RFX7: variants seen among roughly 807,000 people sequenced by gnomAD.
The protein encoded by RFX7 is regulatory factor X7, also known as DNA-binding protein RFX7.
Under a neutral mutation model 111.8 loss-of-function variants are expected in RFX7, and 26 were observed. The ratio of observed to expected loss-of-function variants is 0.23; its 90% CI spans 0.17 to 0.32. The LOEUF is 0.32. Among genes scored for constraint, RFX7 ranks in the 10% least tolerant of loss-of-function variants. The pLI, the probability that RFX7 is intolerant of heterozygous loss-of-function variation, is 1.00. For synonymous variants in RFX7, 624 were observed against 624.4 expected (o/e 1.00, Z 0.01); for missense variants, 1,573 against 1,772.9 (o/e 0.89, Z 2.02).
chr15:56,223,630 A>G (rs2043449334), intron 2 of RFX7, among the ~76,000 whole-genome samples: 1 of 152,210 alleles, frequency 6.6e-6, no homozygotes, highest in African/African-American at 2.4e-5. Context: ...AGTTTAATAC[A>G]TACTCATCAA....
intron 2 of RFX7, among the ~76,000 whole-genome samples, chr15:56,227,873 C>A (rs149317499): frequency 1.6e-4 from 25 of 152,302 alleles, no homozygotes; most frequent in African/African-American, 5.8e-4. Flanking sequence ...GACCTCTTCA[C>A]ATTTTGTGCA....
Position 56,105,356 on chromosome 15 carries a change from G to A in RFX7, c.402-1686C>T, listed in dbSNP as rs372902292. 1.3e-5 allele frequency among the ~76,000 whole-genome samples: 2 copies of A among 152,308 alleles called. 1 individual carries two copies. ...CATCACACTAAGTTCAAGCAGGGCA[G>A]TGACCATACCTATTGGATTCGCCAG... is the stretch of plus-strand genomic sequence containing the variant. On this transcript the variant is annotated intron_variant, in intron 5 of 9. Transcript: ENST00000559447.
chr15:56,131,922 T>C (rs1367457825), intron 5 of RFX7, among the ~76,000 whole-genome samples: 1 of 151,934 alleles, frequency 6.6e-6, no homozygotes, highest in Non-Finnish European at 1.5e-5. Flanking sequence ...AACATAAAAA[T>C]AACAGAAATC....
chr15:56,154,601 C>T (rs990537020), intron 3 of RFX7, among the ~76,000 whole-genome samples: 36 of 152,264 alleles, frequency 2.4e-4, no homozygotes, highest in Middle Eastern at 3.4e-3. Context: ...AAACTGGATC[C>T]CTTCCTTACA....
chr15:56,168,117 A>T (rs2042804355), intron 3 of RFX7, among the ~76,000 whole-genome samples: 1 of 152,232 alleles, frequency 6.6e-6, no homozygotes, highest in Non-Finnish European at 1.5e-5. Flanking sequence ...CCAATAAGTA[A>T]GTTTTAAAAC....
Position 56,117,255 on chromosome 15 carries a change from A to C in RFX7, c.402-13585T>G, listed in dbSNP as rs1239460720. ...TAAGGGTCTAATATTATACGGAGAA[A>C]GGAGATTTAAACTGGGCCTTAGAGA... On this transcript the variant is annotated intron_variant, in intron 5 of 9. Coordinates refer to ENST00000559447, the MANE Select transcript of RFX7 (RefSeq NM_022841.7). Among the ~76,000 whole-genome samples, 4 of 152,302 alleles carry C rather than the reference A, an allele frequency of 2.6e-5. No homozygotes were observed. In the East Asian group the frequency reaches 7.7e-4, roughly 29 times the overall value.
At chr15:56,109,610 T>C (rs1474816855) in intron 5 of RFX7, among the ~76,000 whole-genome samples, 1 of 150,712 alleles carries the variant, frequency 6.6e-6, no homozygotes, top group Non-Finnish European at 1.5e-5. Context: ...GGAGCGCCTC[T>C]TCCCTGCCGC....
intron 2 of RFX7, among the ~76,000 whole-genome samples, chr15:56,194,546 T>TA (rs2043129612): frequency 6.6e-6 from 1 of 152,166 alleles, no homozygotes; most frequent in Non-Finnish European, 1.5e-5. Context: ...AACTTATTTT[T>TA]ACCTTATACT....
intron 5 of RFX7, among the ~76,000 whole-genome samples, chr15:56,141,662 TATATATATATATATGC>T: frequency 7.8e-6 from 1 of 128,160 alleles, no homozygotes. Context: ...TCTAAATATA[TATATATATATATATGC>T]ATATATGCTG....
Position 56,219,488 on chromosome 15 carries a change from T to A in RFX7, c.161+23637A>T, listed in dbSNP as rs1317872015. ...TTTGTTACCTAGGCAATAAGCATAG[T>A]ACCTGATAGGTAGCTTTTTTAACCC... is the stretch of plus-strand genomic sequence containing the variant. On this transcript the variant is annotated intron_variant, in intron 2 of 9. Coordinates refer to ENST00000559447, the MANE Select transcript of RFX7 (RefSeq NM_022841.7). Among the ~76,000 whole-genome samples, 15 of 152,320 alleles carry A rather than the reference T, an allele frequency of 9.8e-5. No individual in the cohort carries two copies. In the East Asian group the frequency reaches 1.7e-3, roughly 18 times the overall value.
intron 1 of RFX7, 51 bp downstream of exon 1, chr15:56,243,368 GGGGGGAGAGGAGGAGGGGGAGGGGGA>G (rs1229498680): frequency 2.3e-6 from 2 of 886,524 alleles, no homozygotes; most frequent in South Asian, 1.9e-5. Context: ...GGAGGACGAA[GGGGGGAGAGGAGGAGGGGGAGGGGGA>G]GGGGAAGAGG....
intron 5 of RFX7, among the ~76,000 whole-genome samples, chr15:56,104,776 C>T (rs1447599678): frequency 8.2e-6 from 1 of 121,686 alleles, no homozygotes; most frequent in Non-Finnish European, 1.7e-5. Context: ...TCCCTATTCC[C>T]ACAGCAAATC....
intron 2 of RFX7, among the ~76,000 whole-genome samples, chr15:56,222,148 G>A (rs114002626): frequency 1.1e-3 from 172 of 152,212 alleles, no homozygotes; most frequent in African/African-American, 4.1e-3. Flanking sequence ...TAAATTTCCA[G>A]ATTGACAACT....
intron 5 of RFX7, among the ~76,000 whole-genome samples, chr15:56,136,349 T>C (rs2042302692): frequency 7.0e-6 from 1 of 143,202 alleles, no homozygotes; most frequent in African/African-American, 2.6e-5. Flanking sequence ...GTAAGTTGGA[T>C]TCCTAGGTAT....
intron 2 of RFX7, among the ~76,000 whole-genome samples, chr15:56,182,515 T>G (rs1015100419): frequency 3.9e-5 from 6 of 152,246 alleles, no homozygotes; most frequent in African/African-American, 9.6e-5. Context: ...CAGTTGTTAC[T>G]TCAAGTTGTT....
chr15:56,143,944 C>T (rs1364363551), intron 4 of RFX7, among the ~76,000 whole-genome samples: 8 of 152,116 alleles, frequency 5.3e-5, no homozygotes, highest in Non-Finnish European at 1.0e-4. Context: ...AGTAATACCC[C>T]AAGCACTTAA....
intron 4 of RFX7, 43 bp from the exon 5 acceptor site, chr15:56,142,943 C>G (rs1413670303): frequency 1.2e-6 from 2 of 1,605,814 alleles, no homozygotes; most frequent in East Asian, 2.2e-5. Context: ...GACAGCAATT[C>G]ATTAACGATT....
chr15:56,179,813 C>CACACACACACACACACACA (rs2042948588), intron 2 of RFX7, among the ~76,000 whole-genome samples: 1 of 138,308 alleles, frequency 7.2e-6, no homozygotes, highest in African/African-American at 2.7e-5. Flanking sequence ...CACACACACA[C>CACACACACACACACACACA]CAGTAACAGG....
In RFX7 at chr15:56,096,448, T is replaced by G; in HGVS notation, c.1280A>C (p.His427Pro). 6.2e-7 allele frequency: 1 copy of G among 1,613,188 alleles called. No individual in the cohort carries two copies. The highest frequency in any genetic ancestry group is 8.5e-7 in the Non-Finnish European group (1 of 1,179,530). Residue 427 changes from histidine to proline, a missense_variant, in exon 10 of 10, where the codon CAC becomes CCC. By Grantham distance (77) the His-to-Pro change is moderately conservative. Transcript: ENST00000559447. ...ASPGGDRSAR[H>P]RYPQILPKPA... is the part of the protein sequence containing the mutation. The stretch of plus-strand genomic sequence containing the variant: ...TTTGGGTAAGATCTGAGGGTAACGG[T>G]GCCGGGCAGAACGATCCCCACCAGG...
Sources: gnomAD v4.1 joint callset for allele counts (sites outside exome capture counted in the v4.1 genomes callset) on GRCh38, gnomAD v4.1.1 for gene constraint, MANE v1.5 for transcripts, NCBI Gene and HGNC (gene_info 2026-07-23, HGNC 2026-07-21) for gene names.